Variants in SUSD5 observed in about 807,000 individuals in gnomAD.
SUSD5 encodes the protein sushi domain containing 5.
SUSD5 carries 33 observed loss-of-function variants against 29.5 expected under a neutral mutation model. That is an observed-to-expected ratio of 1.12 (90% confidence interval 0.85 to 1.49). The LOEUF (loss-of-function observed/expected upper bound fraction) is 1.49, where lower values mean the gene tolerates loss of function less well. Among genes scored for constraint, SUSD5 ranks in the 40% most tolerant of loss-of-function variants. SUSD5 has a pLI of 0.00. For missense variants in SUSD5, 776 were observed against 800.6 expected, an observed-to-expected ratio of 0.97 and a Z score of 0.37; for synonymous variants, 308 against 325.3, an observed-to-expected ratio of 0.95 and a Z score of 0.57.
chr3:33,190,036 T>C (rs2031860502), intron 3 of SUSD5, among the ~76,000 whole-genome samples: 1 of 152,216 alleles, frequency 6.6e-6, no homozygotes, highest in African/African-American at 2.4e-5. Flanking sequence ...GGAATTACTA[T>C]TCAAATTCAA....
chr3:33,165,229 A>G (rs1021851511), intron 4 of SUSD5, among the ~76,000 whole-genome samples: 1 of 152,230 alleles, frequency 6.6e-6, no homozygotes, highest in Non-Finnish European at 1.5e-5. Context: ...TATGTGTCTC[A>G]CAGACATAAT....
At chr3:33,161,847 C>A (rs1344960236) in intron 4 of SUSD5, among the ~76,000 whole-genome samples, 1 of 152,058 alleles carries the variant, frequency 6.6e-6, no homozygotes, top group Non-Finnish European at 1.5e-5. Context: ...ATCTAACAGA[C>A]ATGAACTAAA....
rs68055129 is a variant in SUSD5, at chr3:33,183,930, C to CTTTTTT, written c.410-8862_410-8857dup. Among the ~76,000 whole-genome samples, 252 of 62,568 alleles carry CTTTTTT rather than the reference C, an allele frequency of 4.0e-3. 28 individuals are homozygous for CTTTTTT. Among genetic ancestry groups the CTTTTTT allele is most frequent in the African/African-American group, 0.014 (189 of 13,290 alleles). The allele number at this position is 62,568 out of a possible 152,430, so 41.0% of individuals were successfully genotyped here. A position where few individuals can be genotyped will look rare whatever the true frequency, so the allele number is the denominator to read the frequency against. ...AACACTTTAAATATTTTATTACCCTCTTTTTTTTTTTTTTTTTTTTTTTTT... is the reference window on the plus strand; with the variant it reads ...AACACTTTAAATATTTTATTACCCTCTTTTTTTTTTTTTTTTTTTTTTTTTTTTTTT... On this transcript the variant is annotated intron_variant, in intron 3 of 4. Coordinates refer to ENST00000309558, the MANE Select transcript of SUSD5 (RefSeq NM_015551.2).
In SUSD5 at chr3:33,152,937, G is replaced by A. The variant is rs759669811; in HGVS notation, c.1695C>T (p.Asp565=). ...GGCCTCTGCTGAGGCCAGGACATCCGTCCCCCACACACGACTCCAAGGTGG... is the reference window on the plus strand; with the variant it reads ...GGCCTCTGCTGAGGCCAGGACATCCATCCCCCACACACGACTCCAAGGTGG... ...LHPTLESCVG[D]GCPGLSRGPV... is the part of the protein sequence containing the mutation. The change falls in exon 5 of 5, where the codon GAC becomes GAT. Residue 565 remains aspartate, a synonymous_variant. Transcript: ENST00000309558. The A allele has an allele frequency of 1.5e-5, 24 of 1,613,830 alleles. No individual in the cohort carries two copies. Among genetic ancestry groups the A allele is most frequent in the South Asian group, 9.9e-5 (9 of 91,072 alleles).
chr3:33,218,719 G>A lies in SUSD5; in HGVS notation c.79C>T (p.Leu27Phe), dbSNP rs1336041806. Residue 27 changes from leucine to phenylalanine, a missense_variant, in exon 1 of 5, where the codon CTC (leucine) becomes TTC (phenylalanine). Coordinates refer to ENST00000309558, the MANE Select transcript of SUSD5 (RefSeq NM_015551.2). ...PGLWAAALLLLGLPRLSVRAD... is the reference protein window; with the variant it reads ...PGLWAAALLLFGLPRLSVRAD... ...CGCACCGAAAGGCGCGGCAGACCGA[G>A]CAGGAGCAGCGCCGCCGCCCAGAGC... 5.2e-6 allele frequency: 7 copies of A among 1,340,294 alleles called. No homozygotes were observed. The highest frequency in any genetic ancestry group is 5.7e-6 in the Non-Finnish European group (6 of 1,049,992). 83.0% of individuals were successfully genotyped at this position (1,340,294 alleles called of 1,614,324 possible).
intron 3 of SUSD5, among the ~76,000 whole-genome samples, chr3:33,199,927 C>T (rs893366626): frequency 6.6e-6 from 1 of 152,144 alleles, no homozygotes; most frequent in Non-Finnish European, 1.5e-5. Context: ...AGGGTGAGTT[C>T]GGTTCCTCTC....
chr3:33,218,635 T>G (rs2032468007), intron 1 of SUSD5, 51 bp downstream of exon 1: 1 of 1,247,578 alleles, frequency 8.0e-7, no homozygotes, highest in South Asian at 2.9e-5. Flanking sequence ...ACGCCCTCCC[T>G]GCCCGGACCC....
At chr3:33,190,412 A>C (rs561521676) in intron 3 of SUSD5, 1 of 152,550 alleles carries the variant, frequency 6.6e-6, no homozygotes, top group Non-Finnish European at 1.5e-5. Context: ...CGATATAACC[A>C]TTTTAGTTTG....
In SUSD5 at chr3:33,153,908, C is replaced by G; in HGVS notation, c.724G>C (p.Glu242Gln). The G allele has an allele frequency of 6.2e-7, 1 of 1,614,038 alleles. No individual in the cohort carries two copies. The highest frequency in any genetic ancestry group is 2.2e-5 in the East Asian group (1 of 44,874). The change falls in exon 5 of 5, where the codon GAG becomes CAG. Residue 242 changes from glutamate (E) to glutamine (Q), a missense_variant. Glu to Gln is a conservative substitution (Grantham distance 29). Transcript: ENST00000309558. ...AGACGGTCCTGTTTTGGAGCCTCCTCAGAGGAGTCTCCCTGACCCCTGTCC... is the reference window on the plus strand; with the variant it reads ...AGACGGTCCTGTTTTGGAGCCTCCTGAGAGGAGTCTCCCTGACCCCTGTCC... ...DEDRGQGDSS[E>Q]EAPKQDRLVS...
chr3:33,154,169 G>C, intron 4 of SUSD5, 136 bp from the exon 5 acceptor site: 1 of 737,714 alleles, frequency 1.4e-6, no homozygotes, highest in Non-Finnish European at 2.1e-6. Context: ...TGATATGACT[G>C]TGTATCATAG....
At chr3:33,178,727 C>T (rs191473480) in intron 3 of SUSD5, among the ~76,000 whole-genome samples, 8 of 152,234 alleles carry the variant, frequency 5.3e-5, no homozygotes, top group South Asian at 2.1e-4. Context: ...CGTGAGCCAC[C>T]GCGCCTGGCC....
rs68055129 is a variant in SUSD5, at chr3:33,183,930, C to CTTTTTTTTTTTTTTTTTTTTT, written c.410-8877_410-8857dup. On this transcript the variant is annotated intron_variant, in intron 3 of 4. Coordinates refer to ENST00000309558, the MANE Select transcript of SUSD5 (RefSeq NM_015551.2). ...AACACTTTAAATATTTTATTACCCT[C>CTTTTTTTTTTTTTTTTTTTTT]TTTTTTTTTTTTTTTTTTTTTTTTT... 1.6e-3 allele frequency among the ~76,000 whole-genome samples: 99 copies of CTTTTTTTTTTTTTTTTTTTTT among 62,594 alleles called. 9 individuals carry two copies. The highest frequency in any genetic ancestry group is 4.8e-3 in the African/African-American group (64 of 13,308). 41.1% of individuals were successfully genotyped at this position (62,594 alleles called of 152,430 possible).
intron 3 of SUSD5, among the ~76,000 whole-genome samples, chr3:33,186,530 G>A (rs1042139863): frequency 3.3e-5 from 5 of 150,822 alleles, no homozygotes; most frequent in South Asian, 2.1e-4. Flanking sequence ...CGGTTCAAGC[G>A]ATTCTCCTGC....
intron 3 of SUSD5, among the ~76,000 whole-genome samples, chr3:33,195,283 T>A (rs1344657100): frequency 6.6e-6 from 1 of 152,198 alleles, no homozygotes; most frequent in Admixed American, 6.5e-5. Flanking sequence ...AATTCCCTCG[T>A]TTTTGAAATG....
chr3:33,158,684 A>T (rs908246765), intron 4 of SUSD5, among the ~76,000 whole-genome samples: 2 of 152,234 alleles, frequency 1.3e-5, no homozygotes, highest in Non-Finnish European at 2.9e-5. Context: ...GTGAAACAAT[A>T]CACCTTTGCC....
In SUSD5 at chr3:33,154,134, A is replaced by G. The variant is rs77204823; in HGVS notation, c.599-101T>C. The G allele has an allele frequency of 1.4e-3, 1,333 of 926,456 alleles. 9 individuals are homozygous for G. The African/African-American group carries it at 0.017, about 12-fold the overall frequency. The allele number at this position is 926,456 out of a possible 1,614,324, so 57.4% of individuals were successfully genotyped here. Reference sequence around the variant, plus strand: ...AAAAGCATAAAGGCTGGGACAGAATAAATAATACTGTTATTATTCACAGAT... The same window carrying G: ...AAAAGCATAAAGGCTGGGACAGAATGAATAATACTGTTATTATTCACAGAT... On this transcript the variant is annotated intron_variant, in intron 4 of 4. Coordinates refer to ENST00000309558, the MANE Select transcript of SUSD5 (RefSeq NM_015551.2).
intron 3 of SUSD5, among the ~76,000 whole-genome samples, chr3:33,201,718 C>T (rs2032120517): frequency 6.6e-6 from 1 of 152,168 alleles, no homozygotes; most frequent in South Asian, 2.1e-4. Context: ...GCCTACCCAA[C>T]AGCTACTCAA....
In SUSD5 at chr3:33,163,079, C is replaced by T. The variant is rs187551163; in HGVS notation, c.599-9046G>A. ...CTCCACACACACAAAACTCTAGGCA[C>T]AGGTGGATTTACCAATGAATTCCAT... On this transcript the variant is annotated intron_variant, in intron 4 of 4. Transcript: ENST00000309558. 4.3e-3 allele frequency among the ~76,000 whole-genome samples: 655 copies of T among 152,226 alleles called. 3 individuals carry two copies. Among genetic ancestry groups the T allele is most frequent in the Middle Eastern group, 0.037 (11 of 294 alleles).
intron 3 of SUSD5, among the ~76,000 whole-genome samples, chr3:33,196,210 T>A (rs2031992814): frequency 6.6e-6 from 1 of 152,168 alleles, no homozygotes; most frequent in Non-Finnish European, 1.5e-5. Context: ...TGGAATTGAA[T>A]GCCACCTTGG....
Sources: gnomAD v4.1 joint callset for allele counts (sites outside exome capture counted in the v4.1 genomes callset) on GRCh38, gnomAD v4.1.1 for gene constraint, MANE v1.5 for transcripts, NCBI Gene and HGNC (gene_info 2026-07-23, HGNC 2026-07-21) for gene names.